Variants in DOCK2 observed in about 807,000 individuals in gnomAD.
DOCK2 encodes the protein dedicator of cytokinesis protein 2.
DOCK2 carries 87 observed loss-of-function variants against 248.9 expected under a neutral mutation model. That is an observed-to-expected ratio of 0.35 (90% CI 0.29 to 0.42). The LOEUF (loss-of-function observed/expected upper bound fraction) is 0.42, where lower values mean the gene tolerates loss of function less well. Ranked by LOEUF, DOCK2 falls within the 10% of genes least tolerant of loss-of-function variation. The pLI is 1.00. For synonymous variants in DOCK2, 805 were observed against 821.6 expected, an observed-to-expected ratio of 0.98 and a Z score of 0.35; for missense variants, 1,747 against 2,300.2, an observed-to-expected ratio of 0.76 and a Z score of 4.92.
intron 26 of DOCK2, among the ~76,000 whole-genome samples, chr5:169,831,382 G>A (rs969899293): frequency 2.6e-5 from 4 of 152,152 alleles, no homozygotes; most frequent in African/African-American, 9.7e-5. Context: ...TATCTTGCTT[G>A]CTGCGTTTAG....
chr5:169,787,400 C>T (rs1053168342), intron 25 of DOCK2, among the ~76,000 whole-genome samples: 1 of 152,178 alleles, frequency 6.6e-6, no homozygotes, highest in Admixed American at 6.5e-5. Flanking sequence ...ATGATAGGTG[C>T]TCTAGAAGAA....
At position 169,996,128 on chromosome 5, in the gene DOCK2, C is replaced by T; in HGVS notation, c.3036C>T (p.Asn1012=). The change falls in exon 30 of 52, where the codon AAC becomes AAT. Residue 1012 remains asparagine (N), a synonymous_variant. Coordinates refer to ENST00000520908, the MANE Select transcript of DOCK2 (RefSeq NM_004946.3). The stretch of plus-strand genomic sequence containing the variant: ...TCAACAAGTTTGCAGAAACCATGAA[C>T]CAGAAGTTCCTAGAACACACGAACT... The part of the protein sequence containing the change: ...RAINKFAETM[N]QKFLEHTNFE... 1 of 1,613,978 alleles carries T rather than the reference C, an allele frequency of 6.2e-7. No individual in the cohort carries two copies. The highest frequency in any genetic ancestry group is 8.5e-7 in the Non-Finnish European group (1 of 1,179,914).
chr5:169,848,217 G>C (rs1282050023), intron 27 of DOCK2, among the ~76,000 whole-genome samples: 1 of 152,204 alleles, frequency 6.6e-6, no homozygotes, highest in East Asian at 1.9e-4. Flanking sequence ...ATTGCACCTT[G>C]AGCCCTCACA....
intron 27 of DOCK2, among the ~76,000 whole-genome samples, chr5:169,844,954 T>A (rs1373540086): frequency 6.6e-6 from 1 of 152,052 alleles, no homozygotes; most frequent in African/African-American, 2.4e-5. Context: ...TAGCAGTTTA[T>A]GAGAACCTCT....
intron 14 of DOCK2, among the ~76,000 whole-genome samples, chr5:169,707,311 GTGCTCACTCTC>G (rs1761326382): frequency 6.6e-6 from 1 of 152,146 alleles, no homozygotes; most frequent in Non-Finnish European, 1.5e-5. Context: ...TGTGTGCTCT[GTGCTCACTCTC>G]TGCTCAGAAA....
At chr5:169,944,110 C>T (rs1181436398) in intron 27 of DOCK2, among the ~76,000 whole-genome samples, 1 of 152,188 alleles carries the variant, frequency 6.6e-6, no homozygotes, top group East Asian at 1.9e-4. Flanking sequence ...TTAACACTAA[C>T]CATGGCTCCC....
intron 22 of DOCK2, among the ~76,000 whole-genome samples, chr5:169,735,951 G>A (rs1038729843): frequency 3.4e-5 from 5 of 146,812 alleles, no homozygotes; most frequent in Middle Eastern, 3.6e-3. Context: ...GGGGGGAGAG[G>A]GAGAGAGAGA....
chr5:170,064,018 T>A lies in DOCK2; in HGVS notation c.4468-3492T>A, dbSNP rs7719978. Among the ~76,000 whole-genome samples, 50 of 152,054 alleles carry A rather than the reference T, an allele frequency of 3.3e-4. 1 individual carries two copies. In the South Asian group the frequency reaches 8.7e-3, roughly 27 times the overall value. ...GTCTAGCCCCTGCCTTATCTGTCAC[T>A]GGGTACTGACAGGAAGTGGCACATC... is the stretch of plus-strand genomic sequence containing the variant. On this transcript the variant is annotated intron_variant, in intron 44 of 51. Coordinates refer to ENST00000520908, the MANE Select transcript of DOCK2 (RefSeq NM_004946.3).
At chr5:169,802,660 A>G (rs1767073213) in intron 25 of DOCK2, among the ~76,000 whole-genome samples, 1 of 152,216 alleles carries the variant, frequency 6.6e-6, no homozygotes, top group Non-Finnish European at 1.5e-5. Context: ...AAATAACTAT[A>G]TGTTTTATAC....
rs1776774205 is a variant in DOCK2 at position 169,954,158 on chromosome 5, A to G, written c.2800-28910A>G. ...AATTATTATTGTTATTATTTGCTGTAGTATGTTTAAAAGAGGTTTTAATGA... is the reference window on the plus strand; with the variant it reads ...AATTATTATTGTTATTATTTGCTGTGGTATGTTTAAAAGAGGTTTTAATGA... On this transcript the variant is annotated intron_variant, in intron 27 of 51. Transcript: ENST00000520908. Among the ~76,000 whole-genome samples, 5 of 152,362 alleles carry G rather than the reference A, an allele frequency of 3.3e-5. No homozygotes were observed. In the South Asian group the frequency reaches 1.0e-3, roughly 32 times the overall value.
chr5:169,900,410 A>G (rs1386830817), intron 27 of DOCK2, among the ~76,000 whole-genome samples: 2 of 152,206 alleles, frequency 1.3e-5, no homozygotes, highest in Non-Finnish European at 2.9e-5. Context: ...TTCCTTCCAC[A>G]TAAACTTAAT....
chr5:170,008,435 A>G, intron 30 of DOCK2, 62 bp from the exon 31 acceptor site: 1 of 1,544,844 alleles, frequency 6.5e-7, no homozygotes, highest in South Asian at 1.1e-5. Context: ...CACACTACCC[A>G]GCGCTTATGC....
intron 15 of DOCK2, among the ~76,000 whole-genome samples, chr5:169,710,509 A>G (rs1414534964): frequency 6.6e-6 from 1 of 152,318 alleles, no homozygotes; most frequent in Admixed American, 6.5e-5. Context: ...CAAATATTAC[A>G]TTACCAGATC....
chr5:169,836,549 T>C (rs577501848), intron 26 of DOCK2, among the ~76,000 whole-genome samples: 13 of 152,244 alleles, frequency 8.5e-5, no homozygotes, highest in Non-Finnish European at 1.8e-4. Flanking sequence ...TTTTTCCAAA[T>C]GTTCTATTAA....
intron 27 of DOCK2, among the ~76,000 whole-genome samples, chr5:169,849,739 G>C (rs1770523173): frequency 6.6e-6 from 1 of 152,220 alleles, no homozygotes; most frequent in Non-Finnish European, 1.5e-5. Flanking sequence ...AGTTTGCAAA[G>C]GGTTCTGGAG....
intron 27 of DOCK2, among the ~76,000 whole-genome samples, chr5:169,928,609 G>A (rs1775592232): frequency 6.6e-6 from 1 of 152,216 alleles, no homozygotes; most frequent in African/African-American, 2.4e-5. Flanking sequence ...AAAGGACAGT[G>A]TCATGGAGGC....
intron 27 of DOCK2, among the ~76,000 whole-genome samples, chr5:169,929,282 TCTTTC>T (rs1366486103): frequency 2.6e-5 from 4 of 152,224 alleles, no homozygotes; most frequent in South Asian, 2.1e-4. Flanking sequence ...TAAACATTTC[TCTTTC>T]CTTTCCCCAT....
intron 25 of DOCK2, among the ~76,000 whole-genome samples, chr5:169,797,505 A>G (rs1355882792): frequency 1.3e-5 from 2 of 152,210 alleles, no homozygotes; most frequent in African/African-American, 4.8e-5. Flanking sequence ...ACATGACAAA[A>G]CTTTCCTAAG....
At chr5:169,681,455 T>C (rs1476258953) in intron 6 of DOCK2, among the ~76,000 whole-genome samples, 2 of 151,596 alleles carry the variant, frequency 1.3e-5, no homozygotes, top group Non-Finnish European at 2.9e-5. Flanking sequence ...TACTTGCTGA[T>C]GTGAACAAGT....
Sources: allele counts gnomAD v4.1 joint callset (sites outside exome capture counted in the v4.1 genomes callset), GRCh38; gene constraint gnomAD v4.1.1; transcripts MANE v1.5; gene names NCBI Gene and HGNC (gene_info 2026-07-23, HGNC 2026-07-21).